PCLO: variants seen among roughly 807,000 people sequenced by gnomAD.
PCLO encodes the protein protein piccolo.
PCLO carries 82 observed loss-of-function variants against 427.5 expected under a neutral mutation model. That is an observed-to-expected ratio of 0.19 (90% CI 0.16 to 0.23). PCLO has a LOEUF of 0.23. Ranked by LOEUF, PCLO falls within the 10% of genes least tolerant of loss-of-function variation. The pLI, the probability that PCLO is intolerant of heterozygous loss-of-function variation, is 1.00. For missense variants in PCLO, 6,239 were observed against 6,115.9 expected (o/e 1.02, Z -0.67); for synonymous variants, 2,357 against 2,155.4 (o/e 1.09, Z -2.59).
At chr7:82,890,531 CTCTT>C (rs1793733137) in intron 9 of PCLO, among the ~76,000 whole-genome samples, 1 of 151,798 alleles carries the variant, frequency 6.6e-6, no homozygotes, top group South Asian at 2.1e-4. Context: ...TTTGTTGTGA[CTCTT>C]CCTTCTGTTA....
intron 10 of PCLO, among the ~76,000 whole-genome samples, chr7:82,867,365 C>T (rs1279730864): frequency 6.6e-6 from 1 of 152,094 alleles, no homozygotes; most frequent in Non-Finnish European, 1.5e-5. Context: ...AACTATTATC[C>T]CAGTTATCCA....
intron 2 of PCLO, among the ~76,000 whole-genome samples, chr7:83,138,633 C>T (rs1215495415): frequency 1.3e-5 from 2 of 151,246 alleles, no homozygotes; most frequent in Non-Finnish European, 2.9e-5. Context: ...GCCTGGATGA[C>T]GGAGCAAGAC....
rs1475193761 is a variant in PCLO at position 83,038,017 on chromosome 7, A to ATTTATATCTTTATATATATATCTT, written c.3301-71531_3301-71530insAAGATATATATATAAAGATATAAA. 6.0e-4 allele frequency among the ~76,000 whole-genome samples: 27 copies of ATTTATATCTTTATATATATATCTT among 44,908 alleles called. 6 individuals are homozygous for ATTTATATCTTTATATATATATCTT. Among genetic ancestry groups the ATTTATATCTTTATATATATATCTT allele is most frequent in the African/African-American group, 3.7e-3 (26 of 6,956 alleles). The allele number at this position is 44,908 out of a possible 152,430, so 29.5% of individuals were successfully genotyped here. On this transcript the variant is annotated intron_variant, in intron 3 of 24. Transcript: ENST00000333891. ...TATATATATATATATATATATATATATATATATATATATTTATATATTTAT... is the reference window on the plus strand; with the variant it reads ...TATATATATATATATATATATATATATTTATATCTTTATATATATATCTTTATATATATATATTTATATATTTAT...
chr7:82,832,844 CGTTT>C (rs1415312340), intron 16 of PCLO, among the ~76,000 whole-genome samples: 2 of 143,110 alleles, frequency 1.4e-5, no homozygotes, highest in Non-Finnish European at 3.1e-5. Flanking sequence ...CACACACACA[CGTTT>C]TTCAAAATTA....
At chr7:83,146,970 T>C (rs913239629) in intron 2 of PCLO, among the ~76,000 whole-genome samples, 1 of 151,104 alleles carries the variant, frequency 6.6e-6, no homozygotes, top group African/African-American at 2.4e-5. Flanking sequence ...AAGCTACTAA[T>C]ATATAACAAC....
chr7:82,995,552 A>AG (rs963459130), intron 3 of PCLO, among the ~76,000 whole-genome samples: 4 of 151,972 alleles, frequency 2.6e-5, no homozygotes, highest in Non-Finnish European at 5.9e-5. Context: ...TCTAGCGTGA[A>AG]GGGGTGGGTG....
In PCLO at chr7:82,950,948, G is replaced by A. The variant is rs1433779115; in HGVS notation, c.9640C>T (p.Leu3214=). The change falls in exon 6 of 25, where the codon CTA becomes TTA. Residue 3214 remains leucine, a synonymous_variant. Transcript: ENST00000333891. ...TCCAGGAGCTCACGCTCCAAGTCTAGCTGCTGCTGTTGTTTATCTTCTTCA... is the reference window on the plus strand; with the variant it reads ...TCCAGGAGCTCACGCTCCAAGTCTAACTGCTGCTGTTGTTTATCTTCTTCA... The part of the protein sequence containing the change: ...VPEEDKQQQQ[L]DLERELLELE... The A allele has an allele frequency of 1.2e-6, 2 of 1,613,268 alleles. No homozygotes were observed. The highest frequency in any genetic ancestry group is 1.7e-5 in the Admixed American group (1 of 60,000).
Position 83,004,107 on chromosome 7 carries a change from A to C in PCLO, c.3301-37620T>G, listed in dbSNP as rs543971627. 5.3e-5 allele frequency among the ~76,000 whole-genome samples: 8 copies of C among 151,934 alleles called. No individual in the cohort carries two copies. In the South Asian group the frequency reaches 1.7e-3, roughly 31 times the overall value. On this transcript the variant is annotated intron_variant, in intron 3 of 24. Transcript: ENST00000333891. Reference sequence around the variant, plus strand: ...CACATTCTCAATGATGAAAAGCAAAATGAAACGTCTATCAAAATTCCAGTG... The same window carrying C: ...CACATTCTCAATGATGAAAAGCAAACTGAAACGTCTATCAAAATTCCAGTG...
chr7:82,838,450 T>G (rs562556857), intron 14 of PCLO, 108 bp from the exon 15 acceptor site: 1 of 626,902 alleles, frequency 1.6e-6, no homozygotes, highest in African/African-American at 1.9e-5. Context: ...AAGCATCAAC[T>G]TTCATTTTCA....
chr7:82,825,071 T>G (rs1791901731), intron 18 of PCLO, among the ~76,000 whole-genome samples: 1 of 152,192 alleles, frequency 6.6e-6, no homozygotes, highest in Non-Finnish European at 1.5e-5. Context: ...AAAGAATGAG[T>G]AAGTTGCAAT....
chr7:82,822,183 A>G lies in PCLO; in HGVS notation c.14791+312T>C, dbSNP rs73710007. 3,718 of 1,148,144 alleles carry G rather than the reference A, an allele frequency of 3.2e-3. 117 individuals carry two copies. The African/African-American group carries it at 0.056, about 17-fold the overall frequency. 71.1% of individuals were successfully genotyped at this position (1,148,144 alleles called of 1,614,324 possible). A position where few individuals can be genotyped will look rare whatever the true frequency, so the allele number is the denominator to read the frequency against. On this transcript the variant is annotated intron_variant, in intron 20 of 24. Transcript: ENST00000333891. ...TTCTAAAAGATATTTAAGCGCAAAC[A>G]AAAAGGACACACAACATTGCTTTGC...
chr7:83,067,138 T>A (rs1789689732), intron 3 of PCLO, among the ~76,000 whole-genome samples: 1 of 152,202 alleles, frequency 6.6e-6, no homozygotes, highest in Non-Finnish European at 1.5e-5. Context: ...AGATATCTCA[T>A]TATGTATATG....
At chr7:83,137,228 T>C (rs1791751760) in intron 2 of PCLO, among the ~76,000 whole-genome samples, 1 of 152,184 alleles carries the variant, frequency 6.6e-6, no homozygotes, top group Non-Finnish European at 1.5e-5. Flanking sequence ...TTTTAAAACT[T>C]CTTTGAAATT....
At position 82,952,381 on chromosome 7, in the gene PCLO, C is replaced by T; in HGVS notation, c.8572G>A (p.Gly2858Ser). The T allele has an allele frequency of 6.2e-7, 1 of 1,613,872 alleles. No homozygotes were observed. The highest frequency in any genetic ancestry group is 8.5e-7 in the Non-Finnish European group (1 of 1,179,836). Residue 2858 changes from glycine (G) to serine (S), a missense_variant, in exon 5 of 25, where the codon GGT (glycine) becomes AGT (serine). Physicochemically the swap from Gly to Ser is moderately conservative, Grantham distance 56 (BLOSUM62 0). Transcript: ENST00000333891. ...AATGTCACTGCATGTGCTGGAGTAC[C>T]TAGAGATAAGTTTATTGGTGCTTCT... ...REEAPINLSL[G>S]TPAHAVTLAI... is the part of the protein sequence containing the mutation.
chr7:82,791,174 A>G (rs1791092900), intron 22 of PCLO, among the ~76,000 whole-genome samples: 1 of 152,110 alleles, frequency 6.6e-6, no homozygotes, highest in Admixed American at 6.5e-5. Flanking sequence ...CTTGGCAAAT[A>G]AATGAAAGTT....
intron 9 of PCLO, among the ~76,000 whole-genome samples, chr7:82,891,943 T>C (rs1345804484): frequency 6.6e-6 from 1 of 152,000 alleles, no homozygotes; most frequent in African/African-American, 2.4e-5. Context: ...GGAAGAACAT[T>C]CCATGATTCC....
At chr7:82,893,312 C>G (rs1333977084) in intron 9 of PCLO, among the ~76,000 whole-genome samples, 1 of 152,076 alleles carries the variant, frequency 6.6e-6, no homozygotes, top group Non-Finnish European at 1.5e-5. Flanking sequence ...TCTCAGCAAA[C>G]TATCGCAAGG....
intron 3 of PCLO, among the ~76,000 whole-genome samples, chr7:83,074,282 T>C (rs1042584182): frequency 6.6e-5 from 10 of 151,962 alleles, no homozygotes; most frequent in African/African-American, 1.9e-4. Context: ...AGACTCCTAA[T>C]AGACATCCGG....
chr7:82,954,185 T>G lies in PCLO; in HGVS notation c.6768A>C (p.Arg2256Ser). The G allele has an allele frequency of 2.5e-6, 4 of 1,613,578 alleles. No individual in the cohort carries two copies. The highest frequency in any genetic ancestry group is 3.4e-6 in the Non-Finnish European group (4 of 1,179,582). ...SLDRTAPPDG[R>S]ASADHIVISL... The stretch of plus-strand genomic sequence containing the variant: ...AAATAACAATATGATCAGCACTAGC[T>G]CTACCATCTGGTGGGGCAGTCCGAT... The change falls in exon 5 of 25, where the codon AGA (arginine) becomes AGC (serine). Residue 2256 changes from arginine to serine, a missense_variant. Physicochemically the swap from Arg to Ser is moderately radical, Grantham distance 110 (BLOSUM62 -1). Transcript: ENST00000333891.
Sources: gnomAD v4.1 joint callset for allele counts (sites outside exome capture counted in the v4.1 genomes callset) on GRCh38, gnomAD v4.1.1 for gene constraint, MANE v1.5 for transcripts, NCBI Gene and HGNC (gene_info 2026-07-23, HGNC 2026-07-21) for gene names.